Variants in DNAJC1 observed in about 807,000 individuals in gnomAD.
DNAJC1 encodes dnaJ homolog subfamily C member 1.
Under a neutral mutation model 76.6 loss-of-function variants are expected in DNAJC1, and 58 were observed. The ratio of observed to expected loss-of-function variants is 0.76; its 90% CI spans 0.61 to 0.94. DNAJC1 has a LOEUF of 0.94. DNAJC1 is among the 40% of genes least tolerant of loss of function. DNAJC1 has a pLI of 0.00. For synonymous variants in DNAJC1, 258 were observed against 267.9 expected (o/e 0.96, Z 0.36); for missense variants, 689 against 677.3 (o/e 1.02, Z -0.19).
At chr10:21,936,102 T>C (rs1837307891) in intron 1 of DNAJC1, among the ~76,000 whole-genome samples, 1 of 152,176 alleles carries the variant, frequency 6.6e-6, no homozygotes, top group African/African-American at 2.4e-5. Flanking sequence ...CATGTGATGG[T>C]ATTAAGAGGT....
At chr10:21,891,259 G>A (rs1240867069) in intron 7 of DNAJC1, among the ~76,000 whole-genome samples, 3 of 151,966 alleles carry the variant, frequency 2.0e-5, no homozygotes, top group Non-Finnish European at 1.5e-5. Context: ...GATATGACAA[G>A]CAATAATGAA....
In DNAJC1 at chr10:21,790,421, T is replaced by G. The variant is rs928576738; in HGVS notation, c.1098+15559A>C. 2.0e-5 allele frequency among the ~76,000 whole-genome samples: 3 copies of G among 151,318 alleles called. No homozygotes were observed. In the South Asian group the frequency reaches 6.3e-4, roughly 32 times the overall value. On this transcript the variant is annotated intron_variant, in intron 9 of 11. Coordinates refer to ENST00000376980, the MANE Select transcript of DNAJC1 (RefSeq NM_022365.4). The stretch of plus-strand genomic sequence containing the variant: ...TTCTAAAAATGGCAAGAGAAAAATG[T>G]CAAGTTACATTTAAGAGGATTCCCA...
chr10:21,856,027 T>C (rs1835828270), intron 8 of DNAJC1, among the ~76,000 whole-genome samples: 1 of 152,216 alleles, frequency 6.6e-6, no homozygotes, highest in African/African-American at 2.4e-5. Flanking sequence ...ATAATCTACA[T>C]AACTATTTAT....
chr10:21,911,749 G>C (rs922502973), intron 6 of DNAJC1, among the ~76,000 whole-genome samples: 1 of 152,142 alleles, frequency 6.6e-6, no homozygotes, highest in Non-Finnish European at 1.5e-5. Flanking sequence ...TTTTATGATG[G>C]TGAGATAGTG....
At chr10:21,899,678 G>A (rs1038605079) in intron 7 of DNAJC1, among the ~76,000 whole-genome samples, 2 of 152,208 alleles carry the variant, frequency 1.3e-5, no homozygotes, top group Non-Finnish European at 2.9e-5. Context: ...AGAGTTCTAC[G>A]AACAGAGCTC....
chr10:21,818,930 C>T (rs1835115333), intron 8 of DNAJC1, among the ~76,000 whole-genome samples: 1 of 152,090 alleles, frequency 6.6e-6, no homozygotes, highest in Non-Finnish European at 1.5e-5. Context: ...TGTCTGAAAC[C>T]TTGTTTTTAG....
At chr10:21,810,002 CTTCTT>C (rs1218093848) in intron 8 of DNAJC1, among the ~76,000 whole-genome samples, 3 of 151,846 alleles carry the variant, frequency 2.0e-5, no homozygotes, top group Non-Finnish European at 2.9e-5. Context: ...CTCTCTTCCT[CTTCTT>C]TTAAGAATAC....
At chr10:21,951,973 G>A (rs1445065095) in intron 1 of DNAJC1, among the ~76,000 whole-genome samples, 3 of 152,176 alleles carry the variant, frequency 2.0e-5, no homozygotes, top group Non-Finnish European at 2.9e-5. Flanking sequence ...GGCTTTCTGG[G>A]AGACTGTTAC....
chr10:21,998,389 C>CA (rs60371730), intron 1 of DNAJC1, among the ~76,000 whole-genome samples: 61,988 of 95,600 alleles, frequency 0.65, 19,807 homozygotes, highest in East Asian at 0.91. Flanking sequence ...GACTCCATCT[C>CA]AAAAAAAAAA....
At chr10:21,911,755 T>C (rs987416594) in intron 6 of DNAJC1, among the ~76,000 whole-genome samples, 32 of 152,320 alleles carry the variant, frequency 2.1e-4, no homozygotes, top group African/African-American at 7.2e-4. Flanking sequence ...GATGGTGAGA[T>C]AGTGATATGC....
intron 9 of DNAJC1, among the ~76,000 whole-genome samples, chr10:21,802,515 C>T (rs1834824674): frequency 6.6e-6 from 1 of 152,118 alleles, no homozygotes; most frequent in Non-Finnish European, 1.5e-5. Flanking sequence ...TTTCCTTCCT[C>T]CTCTTCACTT....
intron 8 of DNAJC1, among the ~76,000 whole-genome samples, chr10:21,826,780 C>T (rs1471989811): frequency 6.6e-6 from 1 of 152,142 alleles, no homozygotes; most frequent in Non-Finnish European, 1.5e-5. Context: ...ACTGAATGAT[C>T]TTGGTAGCCT....
chr10:21,977,065 C>T (rs531823143), intron 1 of DNAJC1, among the ~76,000 whole-genome samples: 23 of 152,240 alleles, frequency 1.5e-4, no homozygotes, highest in Admixed American at 3.9e-4. Context: ...TGAGTCAGAG[C>T]ATACTAAGGC....
intron 9 of DNAJC1, among the ~76,000 whole-genome samples, chr10:21,783,417 AAAG>A (rs1834559816): frequency 1.3e-5 from 2 of 152,152 alleles, no homozygotes; most frequent in Non-Finnish European, 2.9e-5. Context: ...CAAACAAATG[AAAG>A]AACATTCCAT....
intron 8 of DNAJC1, among the ~76,000 whole-genome samples, chr10:21,817,037 G>A (rs1416836830): frequency 6.7e-6 from 1 of 149,174 alleles, no homozygotes; most frequent in African/African-American, 2.4e-5. Flanking sequence ...GCGGGTGCCT[G>A]TAGTCCCAGC....
intron 7 of DNAJC1, among the ~76,000 whole-genome samples, chr10:21,898,681 T>C (rs977241631): frequency 6.6e-6 from 1 of 151,812 alleles, no homozygotes; most frequent in Non-Finnish European, 1.5e-5. Context: ...GCCTCCCAAG[T>C]AGCAGGCATT....
At chr10:21,889,760 C>T (rs1016743188) in intron 7 of DNAJC1, among the ~76,000 whole-genome samples, 3 of 152,148 alleles carry the variant, frequency 2.0e-5, no homozygotes, top group African/African-American at 7.2e-5. Context: ...AAAGCCTGCT[C>T]TCTCTAGCTA....
At chr10:21,985,552 T>C (rs917690018) in intron 1 of DNAJC1, among the ~76,000 whole-genome samples, 14 of 152,204 alleles carry the variant, frequency 9.2e-5, no homozygotes, top group South Asian at 2.1e-4. Context: ...CCCAGCCACC[T>C]GCTTTCCATC....
intron 7 of DNAJC1, among the ~76,000 whole-genome samples, chr10:21,904,253 C>T (rs1256584643): frequency 6.6e-6 from 1 of 152,016 alleles, no homozygotes; most frequent in African/African-American, 2.4e-5. Context: ...TAGGGCTTTG[C>T]AGACTTTGGA....
Sources: allele counts gnomAD v4.1 joint callset (sites outside exome capture counted in the v4.1 genomes callset), GRCh38; gene constraint gnomAD v4.1.1; transcripts MANE v1.5; gene names NCBI Gene and HGNC (gene_info 2026-07-23, HGNC 2026-07-21).